The following EDEM3 variants were observed in gnomAD, a reference collection of about 807,000 sequenced individuals.
EDEM3 encodes the protein ER degradation-enhancing alpha-mannosidase-like protein 3.
EDEM3 carries 60 observed loss-of-function variants against 110.2 expected under a neutral mutation model. The observed-to-expected ratio is 0.54, with a 90% confidence interval of 0.44 to 0.67. EDEM3 has a LOEUF of 0.67. Among genes scored for constraint, EDEM3 ranks in the 30% least tolerant of loss-of-function variants. EDEM3 has a pLI of 0.00. For missense variants in EDEM3, 996 were observed against 1,121.0 expected (o/e 0.89, Z 1.59); for synonymous variants, 352 against 382.9 (o/e 0.92, Z 0.94).
chr1:184,697,348 T>A (rs1649385758), intron 19 of EDEM3, among the ~76,000 whole-genome samples: 1 of 151,920 alleles, frequency 6.6e-6, no homozygotes, highest in Non-Finnish European at 1.5e-5. Context: ...TTGTACTTCT[T>A]GTTTTCGTTT....
rs150731902 is a variant in EDEM3 at position 184,709,890 on chromosome 1, T to C, written c.1845+504A>G. Among the ~76,000 whole-genome samples, 434 of 152,294 alleles carry C rather than the reference T, an allele frequency of 2.8e-3. 5 individuals are homozygous for C. The East Asian group carries it at 0.036, about 13-fold the overall frequency. On this transcript the variant is annotated intron_variant, in intron 16 of 19. Coordinates refer to ENST00000318130, the MANE Select transcript of EDEM3 (RefSeq NM_025191.4). The stretch of plus-strand genomic sequence containing the variant: ...AATAAGGTAAATAATTTAAAAACTT[T>C]GTGTTATAAAAACTTTCAAAGTAAA...
intron 11 of EDEM3, among the ~76,000 whole-genome samples, chr1:184,718,723 A>C (rs567453924): frequency 6.6e-6 from 1 of 152,292 alleles, no homozygotes; most frequent in African/African-American, 2.4e-5. Context: ...CATTCTATAC[A>C]TTTCCAGAGG....
rs1208721591 is a variant in EDEM3, at chr1:184,723,808, T to C, written c.796A>G (p.Ser266Gly). The stretch of plus-strand genomic sequence containing the variant: ...ATAGTCACGCCCACTAAATTACTAC[T>C]TCGCTGTCTTTTTTCCCAGAGAAAA... ...LDFLWEKRQR[S>G]SNLVGVTINI... The change falls in exon 8 of 20, where the codon AGT becomes GGT. Residue 266 changes from serine (S) to glycine (G), a missense_variant. Coordinates refer to ENST00000318130, the MANE Select transcript of EDEM3 (RefSeq NM_025191.4). The C allele has an allele frequency of 6.3e-7, 1 of 1,597,292 alleles. No individual in the cohort carries two copies. The highest frequency in any genetic ancestry group is 8.5e-7 in the Non-Finnish European group (1 of 1,174,650).
Position 184,721,204 on chromosome 1 carries a change from A to G in EDEM3, c.951+85T>C, listed in dbSNP as rs1388914915. On this transcript the variant is annotated intron_variant, in intron 9 of 19. Coordinates refer to ENST00000318130, the MANE Select transcript of EDEM3 (RefSeq NM_025191.4). ...ACTACACATTTTAAAAATTATTTTT[A>G]CAATGTCATTCAGGTAATGGAGTTT... is the stretch of plus-strand genomic sequence containing the variant. The G allele has an allele frequency of 5.8e-6, 6 of 1,037,928 alleles. No homozygotes were observed. In the African/African-American group the frequency reaches 8.4e-5, roughly 15 times the overall value. The allele number at this position is 1,037,928 out of a possible 1,614,324, so 64.3% of individuals were successfully genotyped here.
intron 2 of EDEM3, among the ~76,000 whole-genome samples, chr1:184,740,588 C>T (rs1257374964): frequency 6.6e-6 from 1 of 152,160 alleles, no homozygotes; most frequent in African/African-American, 2.4e-5. Context: ...GTGTATGTTG[C>T]CTCCTAGTCG....
intron 1 of EDEM3, among the ~76,000 whole-genome samples, chr1:184,752,903 G>A (rs2102144405): frequency 6.6e-6 from 1 of 152,278 alleles, no homozygotes; most frequent in African/African-American, 2.4e-5. Context: ...ATAGGAAGGA[G>A]TACAGAGATA....
At chr1:184,730,063 A>G (rs919832087) in intron 6 of EDEM3, among the ~76,000 whole-genome samples, 1 of 152,212 alleles carries the variant, frequency 6.6e-6, no homozygotes, top group Non-Finnish European at 1.5e-5. Flanking sequence ...ATATAATTCA[A>G]TTTTTCCTCA....
At chr1:184,704,165 C>T (rs964673854) in intron 18 of EDEM3, among the ~76,000 whole-genome samples, 1 of 152,032 alleles carries the variant, frequency 6.6e-6, no homozygotes, top group African/African-American at 2.4e-5. Flanking sequence ...GTGAAAAAAC[C>T]TCCCTTCTTA....
chr1:184,719,602 G>C (rs1291971082), intron 9 of EDEM3, 34 bp from the exon 10 acceptor site: 1 of 1,602,580 alleles, frequency 6.2e-7, no homozygotes, highest in Non-Finnish European at 8.5e-7. Flanking sequence ...ATGAAAGTTA[G>C]ATGAAAAAAG....
chr1:184,730,353 G>A (rs1029196451), intron 6 of EDEM3, among the ~76,000 whole-genome samples: 1 of 151,946 alleles, frequency 6.6e-6, no homozygotes, highest in Non-Finnish European at 1.5e-5. Flanking sequence ...AGGCCAAGGT[G>A]GGAGGATCTC....
intron 13 of EDEM3, among the ~76,000 whole-genome samples, chr1:184,713,323 T>A (rs1650365289): frequency 6.6e-6 from 1 of 152,158 alleles, no homozygotes; most frequent in Non-Finnish European, 1.5e-5. Context: ...ACACGGGCTA[T>A]GATTATAACA....
chr1:184,723,965 T>C, intron 7 of EDEM3, 109 bp from the exon 8 acceptor site: 1 of 753,258 alleles, frequency 1.3e-6, no homozygotes, highest in Non-Finnish European at 2.0e-6. Flanking sequence ...TAGGATATTT[T>C]AAGAATTAGG....
chr1:184,702,848 C>T lies in EDEM3; in HGVS notation c.2352G>A (p.Glu784=), dbSNP rs751698835. Residue 784 remains glutamate (E), a synonymous_variant, in exon 19 of 20, where the codon GAG becomes GAA. Transcript: ENST00000318130. The part of the protein sequence containing the change: ...IILDAIREYE[E]VEVLLSDKAK... ...CTTTATCAGAGAGGAGCACTTCTAC[C>T]TCCTCATATTCCCGGATGGCATCCA... The T allele has an allele frequency of 8.7e-6, 14 of 1,610,966 alleles. No individual in the cohort carries two copies. In the African/African-American group the frequency reaches 9.4e-5, roughly 11 times the overall value.
At chr1:184,722,312 A>G (rs1650949911) in intron 8 of EDEM3, among the ~76,000 whole-genome samples, 1 of 151,978 alleles carries the variant, frequency 6.6e-6, no homozygotes, top group African/African-American at 2.4e-5. Context: ...TTTTAGTGTT[A>G]TGACATAATG....
intron 9 of EDEM3, among the ~76,000 whole-genome samples, chr1:184,720,262 T>C (rs922851316): frequency 2.0e-5 from 3 of 149,944 alleles, no homozygotes; most frequent in Non-Finnish European, 4.4e-5. Context: ...CTTATTAACT[T>C]TTACTAATTT....
At chr1:184,721,109 T>G in intron 9 of EDEM3, 180 bp downstream of exon 9, 2 of 503,440 alleles carry the variant, frequency 4.0e-6, no homozygotes, top group South Asian at 6.4e-5. Flanking sequence ...TATCAACTGA[T>G]TTTTTGGAAT....
At chr1:184,703,210 TACTAG>T (rs1162154678) in intron 18 of EDEM3, among the ~76,000 whole-genome samples, 1 of 152,196 alleles carries the variant, frequency 6.6e-6, no homozygotes, top group African/African-American at 2.4e-5. Context: ...CAAATAATTT[TACTAG>T]ACTATTTATA....
chr1:184,701,400 A>G (rs1411959940), intron 19 of EDEM3: 2 of 613,718 alleles, frequency 3.3e-6, no homozygotes, highest in African/African-American at 2.0e-5. Context: ...CATGGTATCC[A>G]CTGAAACAAA....
rs1482123853 is a variant in EDEM3, at chr1:184,712,420, T to C, written c.1536+13A>G. ...ATAAAAAAGAGAATAAGACATTTCA[T>C]TTAAAAACTCACTGTGTTCTTTTTA... On this transcript the variant is annotated intron_variant, in intron 14 of 19. Coordinates refer to ENST00000318130, the MANE Select transcript of EDEM3 (RefSeq NM_025191.4). 6.3e-7 allele frequency: 1 copy of C among 1,578,240 alleles called. No homozygotes were observed. Among genetic ancestry groups the C allele is most frequent in the Non-Finnish European group, 8.6e-7 (1 of 1,169,414 alleles).
Sources: gnomAD v4.1 joint callset for allele counts (sites outside exome capture counted in the v4.1 genomes callset) on GRCh38, gnomAD v4.1.1 for gene constraint, MANE v1.5 for transcripts, NCBI Gene and HGNC (gene_info 2026-07-23, HGNC 2026-07-21) for gene names.